The following GPR158 variants were observed in gnomAD, a reference collection of about 807,000 sequenced individuals.
GPR158 encodes metabotropic glycine receptor.
Under a neutral mutation model 78.2 loss-of-function variants are expected in GPR158, and 30 were observed. The ratio of observed to expected loss-of-function variants is 0.38; its 90% confidence interval spans 0.29 to 0.52. GPR158 has a LOEUF of 0.52. Ranked by LOEUF, GPR158 falls within the 20% of genes least tolerant of loss-of-function variation. GPR158 has a pLI of 0.83. For missense variants in GPR158, 1,463 were observed against 1,523.5 expected (o/e 0.96, Z 0.66); for synonymous variants, 581 against 591.1 (o/e 0.98, Z 0.25).
At chr10:25,505,416 C>T (rs1835997185) in intron 5 of GPR158, among the ~76,000 whole-genome samples, 1 of 152,224 alleles carries the variant, frequency 6.6e-6, no homozygotes, top group Non-Finnish European at 1.5e-5. Context: ...GATGATTCCT[C>T]TGGGTCCACC....
At chr10:25,181,971 G>A (rs1424026760) in intron 1 of GPR158, among the ~76,000 whole-genome samples, 1 of 152,086 alleles carries the variant, frequency 6.6e-6, no homozygotes, top group Admixed American at 6.5e-5. Context: ...ACCTGCCTCA[G>A]CTTCCCAAAG....
At chr10:25,261,720 C>G (rs1788836893) in intron 2 of GPR158, among the ~76,000 whole-genome samples, 1 of 152,162 alleles carries the variant, frequency 6.6e-6, no homozygotes, top group African/African-American at 2.4e-5. Context: ...GAGAAGCACT[C>G]TGTTTTATTT....
intron 5 of GPR158, among the ~76,000 whole-genome samples, chr10:25,480,519 C>T (rs539394048): frequency 6.7e-6 from 1 of 149,816 alleles, no homozygotes; most frequent in East Asian, 2.1e-4. Flanking sequence ...AGCCTTTGAA[C>T]ATCTGTTATA....
chr10:25,447,175 A>G (rs1487539288), intron 4 of GPR158, among the ~76,000 whole-genome samples: 1 of 152,182 alleles, frequency 6.6e-6, no homozygotes, highest in Non-Finnish European at 1.5e-5. Flanking sequence ...TTTATAGATA[A>G]TATTTTAAAA....
At chr10:25,574,513 C>G (rs953854898) in intron 7 of GPR158, among the ~76,000 whole-genome samples, 1 of 152,018 alleles carries the variant, frequency 6.6e-6, no homozygotes. Context: ...AACTCAGGAA[C>G]CTTTTATAAA....
chr10:25,326,773 A>C (rs1045561625), intron 2 of GPR158, among the ~76,000 whole-genome samples: 7 of 152,240 alleles, frequency 4.6e-5, no homozygotes, highest in African/African-American at 1.7e-4. Flanking sequence ...AAATAAGTAT[A>C]TAAGGTGATG....
intron 6 of GPR158, among the ~76,000 whole-genome samples, chr10:25,552,482 T>C (rs1836739103): frequency 6.9e-6 from 1 of 145,334 alleles, no homozygotes; most frequent in Non-Finnish European, 1.5e-5. Flanking sequence ...TCTGTCCCTG[T>C]TAGTCTAGCA....
At chr10:25,361,727 A>G (rs189103410) in intron 2 of GPR158, among the ~76,000 whole-genome samples, 3 of 152,096 alleles carry the variant, frequency 2.0e-5, no homozygotes, top group East Asian at 1.9e-4. Flanking sequence ...TTCTTAGCCA[A>G]TTGTATGTCA....
intron 1 of GPR158, among the ~76,000 whole-genome samples, chr10:25,218,167 C>T (rs1853246640): frequency 6.6e-6 from 1 of 152,058 alleles, no homozygotes; most frequent in Non-Finnish European, 1.5e-5. Context: ...AGGAAGTCTA[C>T]AGCGCCTTCC....
At chr10:25,370,944 A>G (rs1280897144) in intron 2 of GPR158, among the ~76,000 whole-genome samples, 1 of 149,320 alleles carries the variant, frequency 6.7e-6, no homozygotes, top group African/African-American at 2.5e-5. Flanking sequence ...GTCTCTTTTG[A>G]TCTTTGCTGG....
At chr10:25,280,707 T>TTATGTATGTATGTATG (rs34530811) in intron 2 of GPR158, among the ~76,000 whole-genome samples, 178 of 151,490 alleles carry the variant, frequency 1.2e-3, no homozygotes, top group African/African-American at 3.7e-3. Flanking sequence ...TCAACACATT[T>TTATGTATGTATGTATG]TATGTATGTA....
chr10:25,359,650 G>T (rs1330323072), intron 2 of GPR158, among the ~76,000 whole-genome samples: 1 of 152,088 alleles, frequency 6.6e-6, no homozygotes, highest in Non-Finnish European at 1.5e-5. Flanking sequence ...TCTTTATCCA[G>T]TCTATCATTG....
chr10:25,213,162 T>C (rs1433358199), intron 1 of GPR158, among the ~76,000 whole-genome samples: 1 of 152,200 alleles, frequency 6.6e-6, no homozygotes. Flanking sequence ...TTTCAGTTTT[T>C]TTGGTTTTTA....
At chr10:25,525,495 G>A (rs1836335278) in intron 5 of GPR158, among the ~76,000 whole-genome samples, 1 of 152,140 alleles carries the variant, frequency 6.6e-6, no homozygotes, top group Admixed American at 6.5e-5. Flanking sequence ...AGCATACATT[G>A]TATGGTACTC....
chr10:25,217,436 C>T (rs1047327677), intron 1 of GPR158, among the ~76,000 whole-genome samples: 1 of 152,176 alleles, frequency 6.6e-6, no homozygotes, highest in African/African-American at 2.4e-5. Context: ...AAGGTCATCT[C>T]GTCACATACA....
At chr10:25,341,648 C>G (rs951591738) in intron 2 of GPR158, among the ~76,000 whole-genome samples, 1 of 151,776 alleles carries the variant, frequency 6.6e-6, no homozygotes, top group Non-Finnish European at 1.5e-5. Context: ...AGTGGAAAAT[C>G]CTTTATTATC....
intron 1 of GPR158, among the ~76,000 whole-genome samples, chr10:25,200,870 T>G (rs200741338): frequency 0.1 from 10,720 of 106,334 alleles, 572 homozygotes; most frequent in East Asian, 0.24. Context: ...TTTGTTTTGT[T>G]TTTTTTTTTT....
Position 25,493,385 on chromosome 10 carries a change from C to T in GPR158, c.1404+26666C>T, listed in dbSNP as rs867769122. 2.6e-5 allele frequency among the ~76,000 whole-genome samples: 4 copies of T among 152,164 alleles called. No homozygotes were observed. In the South Asian group the frequency reaches 6.2e-4, roughly 24 times the overall value. ...CACCACTCAGATAAGCCCCATGCTG[C>T]TCTTTGTAAATGTCACTCTTAGAAG... On this transcript the variant is annotated intron_variant, in intron 5 of 10. Transcript: ENST00000376351.
At chr10:25,484,406 C>T (rs1404469225) in intron 5 of GPR158, among the ~76,000 whole-genome samples, 7 of 152,090 alleles carry the variant, frequency 4.6e-5, no homozygotes, top group African/African-American at 1.7e-4. Context: ...GAGAATAAAC[C>T]ACCATCATTG....
Sources: gnomAD v4.1 joint callset for allele counts (sites outside exome capture counted in the v4.1 genomes callset) on GRCh38, gnomAD v4.1.1 for gene constraint, MANE v1.5 for transcripts, NCBI Gene and HGNC (gene_info 2026-07-23, HGNC 2026-07-21) for gene names.